Variants in LGI2 observed in about 807,000 individuals in gnomAD.
LGI2 encodes the protein leucine-rich repeat LGI family member 2.
Under a neutral mutation model 52.0 loss-of-function variants are expected in LGI2, and 30 were observed. The observed-to-expected ratio is 0.58, with a 90% CI of 0.43 to 0.78. The LOEUF (loss-of-function observed/expected upper bound fraction) is 0.78. Ranked by LOEUF, LGI2 falls within the 30% of genes least tolerant of loss-of-function variation. LGI2 has a pLI of 0.00. For synonymous variants in LGI2, 270 were observed against 271.8 expected (o/e 0.99, Z 0.06); for missense variants, 573 against 692.5 (o/e 0.83, Z 1.94).
intron 7 of LGI2, among the ~76,000 whole-genome samples, chr4:25,008,332 C>T (rs1725459233): frequency 6.6e-6 from 1 of 152,060 alleles, no homozygotes; most frequent in Admixed American, 6.6e-5. Context: ...GTGGGTGAAT[C>T]ACCTGAGGTC....
rs1205126743 is a variant in LGI2, at chr4:24,999,901, G to A, written c.*3550C>T. ...ATTTTTCCTTCACAGATCTCTTCTT[G>A]TTTATCTGGTGGACAATGTGACAAG... On this transcript the variant is annotated 3_prime_UTR_variant, in exon 8 of 8. Transcript: ENST00000382114. 1 of 455,866 alleles carries A rather than the reference G, an allele frequency of 2.2e-6. No homozygotes were observed. The highest frequency in any genetic ancestry group is 4.4e-6 in the Non-Finnish European group (1 of 226,792). 28.2% of individuals were successfully genotyped at this position (455,866 alleles called of 1,614,324 possible).
intron 3 of LGI2, 80 bp downstream of exon 3, chr4:25,026,788 G>T: frequency 1.8e-6 from 2 of 1,091,722 alleles, no homozygotes; most frequent in South Asian, 1.2e-5. Flanking sequence ...TTGCAGAGAT[G>T]CTGTTCCAGC....
At chr4:24,993,661 T>C in the LGI2 span, among the ~76,000 whole-genome samples, 1 of 152,172 alleles carries the variant, frequency 6.6e-6, no homozygotes, top group Admixed American at 6.5e-5. Context: ...ACAGCTCAGC[T>C]AGCGTTTGTT....
intron 6 of LGI2, among the ~76,000 whole-genome samples, chr4:25,017,319 G>A (rs1019803344): frequency 1.5e-4 from 23 of 151,876 alleles, no homozygotes; most frequent in Admixed American, 1.2e-3. Flanking sequence ...CAAGGTGGGC[G>A]GATGATGAGA....
chr4:25,011,926 T>C (rs181683247), intron 7 of LGI2, among the ~76,000 whole-genome samples: 65 of 151,624 alleles, frequency 4.3e-4, no homozygotes, highest in Non-Finnish European at 6.8e-4. Context: ...CTATAGGGTA[T>C]GTGTGTGTGT....
rs1343560917 is a variant in LGI2 at position 25,003,964 on chromosome 4, A to C, written c.1125T>G (p.Asp375Glu). The C allele has an allele frequency of 1.2e-6, 2 of 1,614,194 alleles. No individual in the cohort carries two copies. Among genetic ancestry groups the C allele is most frequent in the Admixed American group, 3.3e-5 (2 of 60,026 alleles). ...TTCCATCGATATCAACAAACTCCGCATCCGTGTCCCTGAACCACTCGTGCA... is the reference window on the plus strand; with the variant it reads ...TTCCATCGATATCAACAAACTCCGCCTCCGTGTCCCTGAACCACTCGTGCA... ...QSLHEWFRDT[D>E]AEFVDIDGKS... is the part of the protein sequence containing the mutation. Residue 375 changes from aspartate to glutamate, a missense_variant, in exon 8 of 8, where the codon GAT becomes GAG. Physicochemically the swap from Asp to Glu is conservative, Grantham distance 45. Transcript: ENST00000382114.
chr4:25,017,315 G>A (rs1689913269), intron 6 of LGI2, among the ~76,000 whole-genome samples: 1 of 152,118 alleles, frequency 6.6e-6, no homozygotes, highest in African/African-American at 2.4e-5. Flanking sequence ...AGGCCAAGGT[G>A]GGCGGATGAT....
At chr4:24,994,984 A>G (rs1239672056), downstream of LGI2, among the ~76,000 whole-genome samples, 1 of 152,236 alleles carries the variant, frequency 6.6e-6, no homozygotes, top group Admixed American at 6.5e-5. Context: ...CCTCTTCAAC[A>G]TTCAATTCCC....
At chr4:25,007,099 G>T (rs1320274709) in intron 7 of LGI2, among the ~76,000 whole-genome samples, 1 of 152,002 alleles carries the variant, frequency 6.6e-6, no homozygotes, top group Non-Finnish European at 1.5e-5. Context: ...TCCTCATGTG[G>T]ATGATTCTTC....
Position 24,999,830 on chromosome 4 carries a change from T to C in LGI2, c.*3621A>G, listed in dbSNP as rs762463732. Reference sequence around the variant, plus strand: ...TTCCAGTGTGCTTCCTGAAGGCTGATGACGGCCGAGAGCAATTCATCACCA... The same window carrying C: ...TTCCAGTGTGCTTCCTGAAGGCTGACGACGGCCGAGAGCAATTCATCACCA... On this transcript the variant is annotated 3_prime_UTR_variant, in exon 8 of 8. Transcript: ENST00000382114. The C allele has an allele frequency of 3.7e-5, 17 of 456,168 alleles. No homozygotes were observed. The highest frequency in any genetic ancestry group is 6.5e-4 in the Middle Eastern group (2 of 3,098). The allele number at this position is 456,168 out of a possible 1,614,324, so 28.3% of individuals were successfully genotyped here. A position where few individuals can be genotyped will look rare whatever the true frequency, so the allele number is the denominator to read the frequency against.
rs200496667 is a variant in LGI2, at chr4:25,012,414, C to T, written c.741G>A (p.Ala247=). Residue 247 remains alanine, a synonymous_variant, in exon 7 of 8, where the codon GCG becomes GCA. Transcript: ENST00000382114. The part of the protein sequence containing the change: ...NSKNDVYVAI[A]QPSMENCMVL... ...CCATGCAGTTCTCCATGCTGGGCTGCGCGATGGCCACGTACACATCGTTCT... is the reference window on the plus strand; with the variant it reads ...CCATGCAGTTCTCCATGCTGGGCTGTGCGATGGCCACGTACACATCGTTCT... 2.5e-5 allele frequency: 40 copies of T among 1,614,236 alleles called. No individual in the cohort carries two copies. In the Admixed American group the frequency reaches 5.2e-4, roughly 21 times the overall value.
chr4:24,996,265 C>T (rs149356354), downstream of LGI2, among the ~76,000 whole-genome samples: 9 of 152,122 alleles, frequency 5.9e-5, no homozygotes, highest in South Asian at 2.1e-4. Flanking sequence ...GGCAAGAAAA[C>T]GCTATTTTAA....
At chr4:25,015,593 A>G (rs1004604590) in intron 6 of LGI2, among the ~76,000 whole-genome samples, 1 of 152,176 alleles carries the variant, frequency 6.6e-6, no homozygotes, top group Admixed American at 6.6e-5. Flanking sequence ...AAGGAAAACA[A>G]TCATATTCAG....
chr4:25,012,466 G>A lies in LGI2; in HGVS notation c.689C>T (p.Ser230Leu). The part of the protein sequence containing the change: ...FVVHQTLPYQ[S>L]VSVDTFNSKN... ...GGAGTTGAACGTATCCACTGAAACC[G>A]ACTGGTAGGGTAAAGTCTGATGAAC... The change falls in exon 7 of 8, where the codon TCG (serine) becomes TTG (leucine). Residue 230 changes from serine to leucine, a missense_variant. Ser to Leu is a moderately radical substitution (Grantham distance 145). Coordinates refer to ENST00000382114, the MANE Select transcript of LGI2 (RefSeq NM_018176.4). The A allele has an allele frequency of 3.7e-6, 6 of 1,614,192 alleles. No individual in the cohort carries two copies. Among genetic ancestry groups the A allele is most frequent in the Non-Finnish European group, 5.1e-6 (6 of 1,180,034 alleles).
chr4:25,014,007 C>T (rs1031549768), intron 6 of LGI2, among the ~76,000 whole-genome samples: 20 of 152,218 alleles, frequency 1.3e-4, no homozygotes, highest in African/African-American at 4.6e-4. Flanking sequence ...TCATCATGTG[C>T]TCCCTTTTCT....
intron 7 of LGI2, 124 bp downstream of exon 7, chr4:25,012,211 G>T (rs2109412024): frequency 2.8e-6 from 3 of 1,052,880 alleles, no homozygotes; most frequent in Non-Finnish European, 4.2e-6. Context: ...GCTGGGACGT[G>T]TTCCCCAGCT....
At chr4:24,992,211 C>T in the LGI2 span, among the ~76,000 whole-genome samples, 1 of 152,196 alleles carries the variant, frequency 6.6e-6, no homozygotes, top group Non-Finnish European at 1.5e-5. Flanking sequence ...ATCTCTGGGT[C>T]TCCACTTCCT....
At chr4:25,015,299 T>A (rs1342516881) in intron 6 of LGI2, among the ~76,000 whole-genome samples, 1 of 152,182 alleles carries the variant, frequency 6.6e-6, no homozygotes, top group Non-Finnish European at 1.5e-5. Context: ...AACAGGACAA[T>A]TAGAATGCAA....
intron 4 of LGI2, 50 bp from the exon 5 acceptor site, chr4:25,019,288 C>T (rs764066625): frequency 1.7e-6 from 2 of 1,190,914 alleles, no homozygotes; most frequent in South Asian, 2.5e-5. Context: ...CATGCCCTGT[C>T]ACTCTCAACT....
Sources: gnomAD v4.1 joint callset for allele counts (sites outside exome capture counted in the v4.1 genomes callset) on GRCh38, gnomAD v4.1.1 for gene constraint, MANE v1.5 for transcripts, NCBI Gene and HGNC (gene_info 2026-07-23, HGNC 2026-07-21) for gene names.